The following BIN3 variants were observed in gnomAD, a reference collection of about 807,000 sequenced individuals.
The protein encoded by BIN3 is bridging integrator 3.
BIN3 carries 41 observed loss-of-function variants against 38.2 expected under a neutral mutation model. The ratio of observed to expected loss-of-function variants is 1.07; its 90% CI spans 0.84 to 1.39. The LOEUF (loss-of-function observed/expected upper bound fraction) is 1.39. Ranked by LOEUF, BIN3 falls within the 40% of genes most tolerant of loss-of-function variation. The probability of loss-of-function intolerance (pLI) is 0.00; values close to 1 mark genes in which losing one functional copy is unlikely to be tolerated. For synonymous variants in BIN3, 145 were observed against 122.6 expected (o/e 1.18, Z -1.21); for missense variants, 361 against 324.3 (o/e 1.11, Z -0.87).
chr8:22,624,265 T>A lies in BIN3; in HGVS notation c.437A>T (p.Glu146Val), dbSNP rs199559250. The A allele has an allele frequency of 6.2e-7, 1 of 1,613,858 alleles. No homozygotes were observed. The highest frequency in any genetic ancestry group is 1.1e-5 in the South Asian group (1 of 91,084). Residue 146 changes from glutamate to valine, a missense_variant, in exon 7 of 9, where the codon GAG becomes GTG. Coordinates refer to ENST00000276416, the MANE Select transcript of BIN3 (RefSeq NM_018688.6). ...RRLQAKVEKYEEKEKTGPVLA... is the reference protein window; with the variant it reads ...RRLQAKVEKYVEKEKTGPVLA... ...CACTGGCCCCGTCTTCTCCTTTTCCTCATACTTCTCCACCTTGGCCTGCAG... is the reference window on the plus strand; with the variant it reads ...CACTGGCCCCGTCTTCTCCTTTTCCACATACTTCTCCACCTTGGCCTGCAG...
chr8:22,637,707 T>C (rs767392438), intron 2 of BIN3, among the ~76,000 whole-genome samples: 38 of 152,202 alleles, frequency 2.5e-4, no homozygotes, highest in Non-Finnish European at 4.1e-4. Context: ...GCCTCATGAT[T>C]GGTCTCTTAT....
intron 2 of BIN3, among the ~76,000 whole-genome samples, chr8:22,640,978 G>A (rs778465045): frequency 2.0e-5 from 3 of 152,150 alleles, no homozygotes; most frequent in Non-Finnish European, 2.9e-5. Context: ...GCCGGGGTGG[G>A]TTGCTTCTCT....
At chr8:22,645,069 G>C (rs1476820855) in intron 1 of BIN3, among the ~76,000 whole-genome samples, 1 of 151,162 alleles carries the variant, frequency 6.6e-6, no homozygotes, top group Non-Finnish European at 1.5e-5. Flanking sequence ...GTCATTTAAA[G>C]AAAATGAAAA....
intron 1 of BIN3, among the ~76,000 whole-genome samples, chr8:22,648,101 C>T (rs1802769114): frequency 6.8e-6 from 1 of 146,726 alleles, no homozygotes; most frequent in Non-Finnish European, 1.5e-5. Context: ...CGCCACTACA[C>T]TCCAGCCTGC....
intron 1 of BIN3, among the ~76,000 whole-genome samples, chr8:22,661,505 G>A (rs941103491): frequency 6.6e-6 from 1 of 151,540 alleles, no homozygotes; most frequent in African/African-American, 2.4e-5. Flanking sequence ...TTACAGGCGT[G>A]CACCACCACG....
At chr8:22,623,410 T>C (rs1801904223) in intron 8 of BIN3, among the ~76,000 whole-genome samples, 1 of 152,194 alleles carries the variant, frequency 6.6e-6, no homozygotes, top group African/African-American at 2.4e-5. Flanking sequence ...GGAGCAGCCC[T>C]GATTGTGGCT....
intron 1 of BIN3, among the ~76,000 whole-genome samples, chr8:22,659,596 C>A (rs966403390): frequency 5.9e-5 from 9 of 152,218 alleles, no homozygotes; most frequent in Admixed American, 4.6e-4. Flanking sequence ...TCTGCACAGG[C>A]ACTGCTGATA....
rs1266377105 is a variant in BIN3 at position 22,620,784 on chromosome 8, C to A, written c.*638G>T. On this transcript the variant is annotated 3_prime_UTR_variant, in exon 9 of 9. Transcript: ENST00000276416. ...TCAGGTGAGACACAAACCCACTGTTCCTGCTTTGAGACCTGTGAATTCTTG... is the reference window on the plus strand; with the variant it reads ...TCAGGTGAGACACAAACCCACTGTTACTGCTTTGAGACCTGTGAATTCTTG... The A allele has an allele frequency of 6.6e-6, 1 of 152,270 alleles. No individual in the cohort carries two copies. Among genetic ancestry groups the A allele is most frequent in the Non-Finnish European group, 1.5e-5 (1 of 68,058 alleles). The allele number at this position is 152,270 out of a possible 1,614,324, so 9.4% of individuals were successfully genotyped here.
Position 22,651,866 on chromosome 8 carries a change from TTTG to T in BIN3, c.9-7066_9-7064del, listed in dbSNP as rs767074755. On this transcript the variant is annotated intron_variant, in intron 1 of 8. Transcript: ENST00000276416. Reference sequence around the variant, plus strand: ...TCTTCGGTTCTGAGATTTTAAAAATTTTGTTGTTGATTTCTTGTTTTCTGTTTC... The same window carrying T: ...TCTTCGGTTCTGAGATTTTAAAAATTTTGTTGATTTCTTGTTTTCTGTTTC... Among the ~76,000 whole-genome samples the T allele has an allele frequency of 3.2e-4, 48 of 152,296 alleles. 1 individual carries two copies. The highest frequency in any genetic ancestry group is 3.4e-3 in the Middle Eastern group (1 of 294).
Position 22,624,210 on chromosome 8 carries a change from C to A in BIN3, c.480+12G>T, listed in dbSNP as rs1801935402. On this transcript the variant is annotated intron_variant, in intron 7 of 8. Coordinates refer to ENST00000276416, the MANE Select transcript of BIN3 (RefSeq NM_018688.6). ...ACCTGTCTAGCCCCTGCCCACCTGT[C>A]TCCCCTGGTACCTGGTGGAGCTTGG... The A allele has an allele frequency of 1.9e-5, 31 of 1,611,666 alleles. No homozygotes were observed. The highest frequency in any genetic ancestry group is 2.5e-5 in the Non-Finnish European group (29 of 1,178,734).
Position 22,660,904 on chromosome 8 carries a change from GA to G in BIN3, c.8+8139del, listed in dbSNP as rs994144190. On this transcript the variant is annotated intron_variant, in intron 1 of 8. Coordinates refer to ENST00000276416, the MANE Select transcript of BIN3 (RefSeq NM_018688.6). ...TTTTCTTTTTTAACTTAGTTTTTTT[GA>G]GACAGGGTTTCCCTCTGTATCCAGG... is the stretch of plus-strand genomic sequence containing the variant. 2.0e-5 allele frequency among the ~76,000 whole-genome samples: 3 copies of G among 152,048 alleles called. No individual in the cohort carries two copies. The East Asian group carries it at 5.8e-4, about 29-fold the overall frequency.
chr8:22,659,697 G>A (rs926144573), intron 1 of BIN3, among the ~76,000 whole-genome samples: 3 of 152,200 alleles, frequency 2.0e-5, no homozygotes, highest in African/African-American at 4.8e-5. Flanking sequence ...GACAGCTGGG[G>A]TTCAAAACCT....
intron 1 of BIN3, among the ~76,000 whole-genome samples, chr8:22,653,923 C>CTAGGG (rs1802978720): frequency 3.4e-5 from 3 of 88,544 alleles, no homozygotes; most frequent in African/African-American, 8.9e-5. Flanking sequence ...CATTCTTCTG[C>CTAGGG]TAGGGTGGGG....
At chr8:22,626,839 G>A (rs1802022534) in intron 6 of BIN3, among the ~76,000 whole-genome samples, 1 of 152,226 alleles carries the variant, frequency 6.6e-6, no homozygotes, top group Non-Finnish European at 1.5e-5. Context: ...CACTCTCATA[G>A]CCCCCTTCCC....
At position 22,624,267 on chromosome 8, in the gene BIN3, A is replaced by G. The variant is rs780294169; in HGVS notation, c.435T>C (p.Tyr145=). ...YRRLQAKVEK[Y]EEKEKTGPVL... ...CTGGCCCCGTCTTCTCCTTTTCCTC[A>G]TACTTCTCCACCTTGGCCTGCAGCC... The change falls in exon 7 of 9, where the codon TAT becomes TAC. Residue 145 remains tyrosine, a synonymous_variant. Transcript: ENST00000276416. 3 of 1,613,564 alleles carry G rather than the reference A, an allele frequency of 1.9e-6. No homozygotes were observed. The highest frequency in any genetic ancestry group is 1.3e-5 in the African/African-American group (1 of 74,830).
intron 6 of BIN3, among the ~76,000 whole-genome samples, chr8:22,629,307 G>A (rs745907526): frequency 9.2e-5 from 14 of 152,164 alleles, no homozygotes; most frequent in South Asian, 2.1e-4. Context: ...CAGCCTGCTC[G>A]AGAGAGGCCA....
chr8:22,635,687 G>A (rs1802345096), intron 4 of BIN3, among the ~76,000 whole-genome samples: 1 of 152,188 alleles, frequency 6.6e-6, no homozygotes, highest in South Asian at 2.1e-4. Context: ...TCGGGTGACG[G>A]AACTGAGGTA....
intron 1 of BIN3, among the ~76,000 whole-genome samples, chr8:22,655,942 A>G (rs759272928): frequency 1.3e-5 from 2 of 152,216 alleles, no homozygotes; most frequent in Admixed American, 6.5e-5. Context: ...CCAATAACAC[A>G]GATTTATTTA....
chr8:22,633,283 G>T (rs1802266160), intron 4 of BIN3, among the ~76,000 whole-genome samples: 1 of 152,130 alleles, frequency 6.6e-6, no homozygotes, highest in Non-Finnish European at 1.5e-5. Flanking sequence ...CAGCCTGGAT[G>T]ACACAGTGTG....
Sources: gnomAD v4.1 joint callset for allele counts (sites outside exome capture counted in the v4.1 genomes callset) on GRCh38, gnomAD v4.1.1 for gene constraint, MANE v1.5 for transcripts, NCBI Gene and HGNC (gene_info 2026-07-23, HGNC 2026-07-21) for gene names.